The following MYH15 variants were observed in gnomAD, a reference collection of about 807,000 sequenced individuals.
MYH15 encodes myosin heavy chain 15.
A neutral mutation model predicts 240.5 loss-of-function variants in MYH15; 227 were observed. That is an observed-to-expected ratio of 0.94 (90% CI 0.85 to 1.05). The LOEUF (loss-of-function observed/expected upper bound fraction) is 1.05, where lower values mean the gene tolerates loss of function less well. MYH15 is among the 50% of genes least tolerant of loss of function. The probability of loss-of-function intolerance (pLI) is 0.00; values close to 1 mark genes in which losing one functional copy is unlikely to be tolerated. For synonymous variants in MYH15, 785 were observed against 796.7 expected, an observed-to-expected ratio of 0.99 and a Z score of 0.25; for missense variants, 2,217 against 2,247.5, an observed-to-expected ratio of 0.99 and a Z score of 0.27.
At chr3:108,433,673 G>C (rs2082800684) in intron 25 of MYH15, among the ~76,000 whole-genome samples, 1 of 152,048 alleles carries the variant, frequency 6.6e-6, no homozygotes, top group African/African-American at 2.4e-5. Context: ...TTATAAGGAG[G>C]AGTCCCCCTG....
chr3:108,397,666 T>G (rs1158346638), intron 35 of MYH15, among the ~76,000 whole-genome samples: 1 of 152,220 alleles, frequency 6.6e-6, no homozygotes. Context: ...GATTCTAGGA[T>G]AAGGAGAAGG....
intron 21 of MYH15, among the ~76,000 whole-genome samples, chr3:108,449,822 C>T (rs1034090987): frequency 2.6e-5 from 4 of 151,692 alleles, no homozygotes; most frequent in Non-Finnish European, 2.9e-5. Context: ...TATTTGCAAA[C>T]TATACATGAA....
At chr3:108,437,992 T>C (rs1444388931) in intron 24 of MYH15, among the ~76,000 whole-genome samples, 3 of 152,196 alleles carry the variant, frequency 2.0e-5, no homozygotes, top group African/African-American at 7.2e-5. Flanking sequence ...CGTTTTCCAA[T>C]GATAGGAAGC....
intron 27 of MYH15, 78 bp from the exon 28 acceptor site, chr3:108,421,292 A>T: frequency 6.6e-7 from 1 of 1,522,750 alleles, no homozygotes; most frequent in Non-Finnish European, 8.9e-7. Context: ...AGAGGGGAGG[A>T]GTGGCTCCAG....
intron 27 of MYH15, 95 bp from the exon 28 acceptor site, chr3:108,421,309 G>T: frequency 2.9e-6 from 4 of 1,380,448 alleles, no homozygotes; most frequent in Middle Eastern, 5.2e-4. Context: ...CCAGGGATCC[G>T]CATGCTCTCT....
At chr3:108,422,098 T>C (rs2082688230) in intron 27 of MYH15, among the ~76,000 whole-genome samples, 1 of 152,170 alleles carries the variant, frequency 6.6e-6, no homozygotes, top group South Asian at 2.1e-4. Flanking sequence ...AACTATAGTT[T>C]GCATTCTTAT....
chr3:108,495,960 C>A, intron 6 of MYH15, 88 bp from the exon 7 acceptor site: 1 of 972,206 alleles, frequency 1.0e-6, no homozygotes, highest in South Asian at 1.8e-5. Flanking sequence ...GGTCAAACCC[C>A]ATTCTTGCTT....
intron 21 of MYH15, among the ~76,000 whole-genome samples, chr3:108,446,257 C>A (rs2082927198): frequency 6.6e-6 from 1 of 152,140 alleles, no homozygotes; most frequent in South Asian, 2.1e-4. Context: ...ACTTAGACAC[C>A]AAGGCCTGCC....
chr3:108,436,134 C>T (rs1187357285), intron 25 of MYH15, among the ~76,000 whole-genome samples: 2 of 152,104 alleles, frequency 1.3e-5, no homozygotes, highest in South Asian at 2.1e-4. Context: ...TTCAGATATA[C>T]ATAGGTCTAT....
At chr3:108,470,573 A>C in intron 13 of MYH15, 125 bp downstream of exon 13, 1 of 839,196 alleles carries the variant, frequency 1.2e-6, no homozygotes, top group Non-Finnish European at 1.8e-6. Flanking sequence ...TTTTCCAAAC[A>C]AGGTAGCCCT....
the MYH15 span, among the ~76,000 whole-genome samples, chr3:108,541,207 T>C: frequency 6.6e-6 from 1 of 151,770 alleles, no homozygotes; most frequent in African/African-American, 2.4e-5. Flanking sequence ...CTAAAATAAA[T>C]AATATAGAAA....
At chr3:108,395,489 C>G (rs891763958) in intron 35 of MYH15, among the ~76,000 whole-genome samples, 4 of 152,146 alleles carry the variant, frequency 2.6e-5, no homozygotes, top group African/African-American at 9.7e-5. Flanking sequence ...ACAGCACAGA[C>G]TCCATAGAAA....
chr3:108,495,836 T>C lies in MYH15; in HGVS notation c.655A>G (p.Ile219Val). ...TTAGCATTTCCAAATGCTTCCAAGA[T>C]AGTATTCGCTTGCATGATTTGATCT... ...LEDQIMQANT[I>V]LEAFGNAKTL... Residue 219 changes from isoleucine (I) to valine (V), a missense_variant, in exon 7 of 41, where the codon ATC becomes GTC. Coordinates refer to ENST00000693548, the MANE Select transcript of MYH15 (RefSeq NM_014981.3). 1 of 1,612,726 alleles carries C rather than the reference T, an allele frequency of 6.2e-7. No homozygotes were observed. The highest frequency in any genetic ancestry group is 8.5e-7 in the Non-Finnish European group (1 of 1,179,478).
intron 25 of MYH15, among the ~76,000 whole-genome samples, chr3:108,434,977 C>T (rs1296073134): frequency 1.3e-5 from 2 of 152,130 alleles, no homozygotes; most frequent in Non-Finnish European, 2.9e-5. Flanking sequence ...TGCATCTTGT[C>T]AACTATTAGT....
At chr3:108,500,317 T>C in intron 3 of MYH15, 43 bp from the exon 4 acceptor site, 1 of 1,576,394 alleles carries the variant, frequency 6.3e-7, no homozygotes, top group Non-Finnish European at 8.6e-7. Flanking sequence ...AGATTAGAAA[T>C]ACTTCCAGGT....
At chr3:108,495,293 C>T (rs1361111338) in intron 7 of MYH15, among the ~76,000 whole-genome samples, 1 of 152,122 alleles carries the variant, frequency 6.6e-6, no homozygotes, top group African/African-American at 2.4e-5. Flanking sequence ...AATACTTTCT[C>T]CCCAGCCCGC....
intron 9 of MYH15, among the ~76,000 whole-genome samples, chr3:108,490,377 G>C (rs1171098654): frequency 6.6e-6 from 1 of 152,200 alleles, no homozygotes; most frequent in Admixed American, 6.5e-5. Context: ...TACTAGCCTG[G>C]ATCTGTAATC....
In MYH15 at chr3:108,380,539, A is replaced by AT. The variant is rs1460772895; in HGVS notation, c.*1005dup. On this transcript the variant is annotated 3_prime_UTR_variant, in exon 41 of 41. Transcript: ENST00000693548. The stretch of plus-strand genomic sequence containing the variant: ...AAGTCCATAAGAACAAACAGAACCC[A>AT]TGTCTGTCTCACGGCCTCCACTGCA... The AT allele has an allele frequency of 6.6e-6, 1 of 152,346 alleles. No individual in the cohort carries two copies. Among genetic ancestry groups the AT allele is most frequent in the Non-Finnish European group, 1.5e-5 (1 of 68,154 alleles). 9.4% of individuals were successfully genotyped at this position (152,346 alleles called of 1,614,324 possible). A position where few individuals can be genotyped will look rare whatever the true frequency, so the allele number is the denominator to read the frequency against.
At chr3:108,510,173 G>C (rs1211679105) in intron 1 of MYH15, among the ~76,000 whole-genome samples, 1 of 152,110 alleles carries the variant, frequency 6.6e-6, no homozygotes, top group Non-Finnish European at 1.5e-5. Context: ...TTACAACAGG[G>C]GCTCCTTGAA....
Sources: gnomAD v4.1 joint callset for allele counts (sites outside exome capture counted in the v4.1 genomes callset) on GRCh38, gnomAD v4.1.1 for gene constraint, MANE v1.5 for transcripts, NCBI Gene and HGNC (gene_info 2026-07-23, HGNC 2026-07-21) for gene names.